Variants in UBE2H observed in about 807,000 individuals in gnomAD.
The protein encoded by UBE2H is ubiquitin-conjugating enzyme E2 H.
A neutral mutation model predicts 29.0 loss-of-function variants in UBE2H; 3 were observed. The ratio of observed to expected loss-of-function variants is 0.10; its 90% CI spans 0.05 to 0.27. The LOEUF is 0.27. UBE2H is among the 10% of genes least tolerant of loss of function. The pLI is 1.00. For synonymous variants in UBE2H, 69 were observed against 82.9 expected (o/e 0.83, Z 0.91); for missense variants, 68 against 228.2 (o/e 0.30, Z 4.52).
chr7:129,949,784 T>A (rs1182882127), intron 1 of UBE2H, among the ~76,000 whole-genome samples: 2 of 152,084 alleles, frequency 1.3e-5, no homozygotes, highest in African/African-American at 4.8e-5. Context: ...ACTATATAGG[T>A]TCCCTGCCAG....
intron 5 of UBE2H, among the ~76,000 whole-genome samples, chr7:129,855,923 TAAA>T (rs910934185): frequency 6.6e-6 from 1 of 152,040 alleles, no homozygotes; most frequent in African/African-American, 2.4e-5. Context: ...ATTTTAAAAT[TAAA>T]AAATATATAT....
At chr7:129,924,940 T>C (rs990435406) in intron 1 of UBE2H, among the ~76,000 whole-genome samples, 1 of 151,566 alleles carries the variant, frequency 6.6e-6, no homozygotes, top group Non-Finnish European at 1.5e-5. Flanking sequence ...GGGTACAAGC[T>C]AAACTATGAA....
At chr7:129,947,841 ACC>A (rs2116534241) in intron 1 of UBE2H, among the ~76,000 whole-genome samples, 1 of 152,110 alleles carries the variant, frequency 6.6e-6, no homozygotes, top group East Asian at 1.9e-4. Flanking sequence ...CAAAGCAAGT[ACC>A]CAAACATATG....
chr7:129,855,647 C>T (rs943515290), intron 5 of UBE2H, among the ~76,000 whole-genome samples: 1 of 152,012 alleles, frequency 6.6e-6, no homozygotes, highest in Non-Finnish European at 1.5e-5. Context: ...GAGAGAGAGA[C>T]GAGAACAAGA....
chr7:129,917,370 T>G (rs1231895785), intron 1 of UBE2H, among the ~76,000 whole-genome samples: 2 of 152,152 alleles, frequency 1.3e-5, no homozygotes, highest in African/African-American at 4.8e-5. Context: ...GAAAATGAAA[T>G]AGTCCCAGCC....
chr7:129,851,710 G>A (rs1805613000), intron 5 of UBE2H, among the ~76,000 whole-genome samples: 1 of 152,148 alleles, frequency 6.6e-6, no homozygotes, highest in Non-Finnish European at 1.5e-5. Flanking sequence ...AAAAAGCCTG[G>A]ACCACCCCAT....
Position 129,873,425 on chromosome 7 carries a change from C to CTT in UBE2H, c.205+6141_205+6142dup, listed in dbSNP as rs373132869. The stretch of plus-strand genomic sequence containing the variant: ...TGCTTCATGCCACTAACATCAAATT[C>CTT]TTTTTTTTTTTTTTTTTTTTAATTT... On this transcript the variant is annotated intron_variant, in intron 3 of 6. Coordinates refer to ENST00000355621, the MANE Select transcript of UBE2H (RefSeq NM_003344.4). Among the ~76,000 whole-genome samples, 393 of 122,966 alleles carry CTT rather than the reference C, an allele frequency of 3.2e-3. 1 individual carries two copies. The highest frequency in any genetic ancestry group is 4.0e-3 in the Non-Finnish European group (238 of 59,498). The allele number at this position is 122,966 out of a possible 152,430, so 80.7% of individuals were successfully genotyped here.
intron 1 of UBE2H, among the ~76,000 whole-genome samples, chr7:129,912,806 T>C (rs1369710353): frequency 6.6e-6 from 1 of 152,170 alleles, no homozygotes; most frequent in Non-Finnish European, 1.5e-5. Context: ...GTTTTTCCAT[T>C]TGAGAAATGA....
intron 3 of UBE2H, among the ~76,000 whole-genome samples, chr7:129,867,724 C>CAAAAAAAAAAAAAAAAAAAAAAA (rs1473451530): frequency 4.2e-4 from 13 of 31,184 alleles, no homozygotes; most frequent in East Asian, 9.3e-4. Flanking sequence ...AAAAGAAAAC[C>CAAAAAAAAAAAAAAAAAAAAAAA]AAAAAAAAAA....
intron 5 of UBE2H, chr7:129,839,692 C>T (rs1805391811): frequency 4.0e-6 from 1 of 253,048 alleles, no homozygotes; most frequent in African/African-American, 2.4e-5. Flanking sequence ...GAATTGAAGA[C>T]AGTTTTTGTG....
intron 2 of UBE2H, among the ~76,000 whole-genome samples, chr7:129,880,017 G>C (rs1806223248): frequency 6.6e-6 from 1 of 151,832 alleles, no homozygotes; most frequent in Non-Finnish European, 1.5e-5. Context: ...CCATTCACGT[G>C]GCCATCCATA....
At chr7:129,855,307 T>C (rs1463450208) in intron 5 of UBE2H, among the ~76,000 whole-genome samples, 1 of 152,256 alleles carries the variant, frequency 6.6e-6, no homozygotes, top group African/African-American at 2.4e-5. Context: ...ATTTACTTCA[T>C]TGTAATTGGA....
chr7:129,895,338 A>G (rs1357412304), intron 1 of UBE2H, among the ~76,000 whole-genome samples: 1 of 152,184 alleles, frequency 6.6e-6, no homozygotes, highest in Non-Finnish European at 1.5e-5. Context: ...CATTGCGCAC[A>G]TGAGAAAAAC....
intron 1 of UBE2H, among the ~76,000 whole-genome samples, chr7:129,933,431 A>G (rs1807449173): frequency 1.3e-5 from 2 of 152,238 alleles, no homozygotes; most frequent in South Asian, 4.1e-4. Flanking sequence ...TCTATTTTAC[A>G]AATGAAGTAA....
chr7:129,932,345 A>C (rs1807424020), intron 1 of UBE2H, among the ~76,000 whole-genome samples: 1 of 148,378 alleles, frequency 6.7e-6, no homozygotes, highest in South Asian at 2.1e-4. Flanking sequence ...GGATGGTCTC[A>C]ATCTCCTGAC....
At chr7:129,878,656 C>G (rs1184231436) in intron 3 of UBE2H, among the ~76,000 whole-genome samples, 1 of 138,842 alleles carries the variant, frequency 7.2e-6, no homozygotes, top group African/African-American at 2.8e-5. Context: ...GCACTCCAGC[C>G]TGGGCGACAG....
intron 1 of UBE2H, among the ~76,000 whole-genome samples, chr7:129,912,546 A>C (rs144431476): frequency 1.2e-3 from 182 of 152,304 alleles, no homozygotes; most frequent in African/African-American, 4.4e-3. Flanking sequence ...TTATACACAT[A>C]GTCTGAAGGT....
chr7:129,912,413 CATA>C (rs1439953323), intron 1 of UBE2H, among the ~76,000 whole-genome samples: 1 of 152,068 alleles, frequency 6.6e-6, no homozygotes, highest in African/African-American at 2.4e-5. Flanking sequence ...GATGGGGTCT[CATA>C]ATGCTGTCCA....
chr7:129,928,435 T>C (rs2116487016), intron 1 of UBE2H, among the ~76,000 whole-genome samples: 1 of 152,224 alleles, frequency 6.6e-6, no homozygotes, highest in South Asian at 2.1e-4. Context: ...AAACCTCGTC[T>C]CTACTAAAAA....
Sources: allele counts gnomAD v4.1 joint callset (sites outside exome capture counted in the v4.1 genomes callset), GRCh38; gene constraint gnomAD v4.1.1; transcripts MANE v1.5; gene names NCBI Gene and HGNC (gene_info 2026-07-23, HGNC 2026-07-21).